Variants in CERK observed in about 807,000 individuals in gnomAD.
CERK encodes ceramide kinase.
Under a neutral mutation model 63.4 loss-of-function variants are expected in CERK, and 39 were observed. The ratio of observed to expected loss-of-function variants is 0.61; its 90% CI spans 0.48 to 0.80. CERK has a LOEUF of 0.80. CERK is among the 30% of genes least tolerant of loss of function. CERK has a pLI of 0.00. For synonymous variants in CERK, 302 were observed against 280.0 expected, an observed-to-expected ratio of 1.08 and a Z score of -0.78; for missense variants, 670 against 714.1, an observed-to-expected ratio of 0.94 and a Z score of 0.70.
At chr22:46,728,790 C>G (rs1651882677) in intron 1 of CERK, among the ~76,000 whole-genome samples, 1 of 152,226 alleles carries the variant, frequency 6.6e-6, no homozygotes, top group Non-Finnish European at 1.5e-5. Context: ...ATCTCCAGCT[C>G]TGGCCTCGGG....
chr22:46,715,854 C>A (rs2082863612), intron 3 of CERK, among the ~76,000 whole-genome samples: 1 of 152,110 alleles, frequency 6.6e-6, no homozygotes, highest in Admixed American at 6.6e-5. Context: ...ACAAAGATAT[C>A]TTCAATAGGA....
intron 5 of CERK, among the ~76,000 whole-genome samples, chr22:46,708,645 G>C (rs1459277430): frequency 6.6e-6 from 1 of 152,198 alleles, no homozygotes. Context: ...AGGACGGGTT[G>C]GTTTCAGGGT....
chr22:46,738,160 G>A lies in CERK; in HGVS notation c.-12C>T. ...CCCGTCGCCCCCATCTCCGCCGCCG[G>A]GCTCGTCCGCCAGGCTGGGGGCGCG... On this transcript the variant is annotated 5_prime_UTR_variant, in exon 1 of 13. Transcript: ENST00000216264. 8.5e-7 allele frequency: 1 copy of A among 1,170,412 alleles called. No individual in the cohort carries two copies. The allele number at this position is 1,170,412 out of a possible 1,614,324, so 72.5% of individuals were successfully genotyped here.
chr22:46,706,392 G>A (rs2082813210), intron 6 of CERK, among the ~76,000 whole-genome samples: 2 of 151,834 alleles, frequency 1.3e-5, no homozygotes, highest in South Asian at 4.2e-4. Flanking sequence ...AAATCCAGCA[G>A]AGGCTCCCCC....
intron 10 of CERK, 33 bp from the exon 11 acceptor site, chr22:46,691,810 T>C: frequency 2.5e-6 from 4 of 1,582,222 alleles, no homozygotes; most frequent in Non-Finnish European, 3.5e-6. Context: ...GATGTCACAG[T>C]TACAATGGCG....
At chr22:46,698,377 G>T (rs2082766721) in intron 8 of CERK, among the ~76,000 whole-genome samples, 3 of 152,228 alleles carry the variant, frequency 2.0e-5, no homozygotes, top group African/African-American at 4.8e-5. Context: ...CAAAAACCAG[G>T]CCCGGCATAG....
At chr22:46,726,160 C>A (rs549370179) in intron 1 of CERK, among the ~76,000 whole-genome samples, 2 of 152,242 alleles carry the variant, frequency 1.3e-5, no homozygotes, top group African/African-American at 2.4e-5. Context: ...GTCAAGGTGG[C>A]AGAACATGCC....
At chr22:46,723,356 C>T (rs1297963968) in intron 1 of CERK, among the ~76,000 whole-genome samples, 3 of 152,152 alleles carry the variant, frequency 2.0e-5, no homozygotes, top group African/African-American at 2.4e-5. Flanking sequence ...CAGTGGCTCA[C>T]GCCTGTAATC....
At chr22:46,724,633 C>T (rs1000244479) in intron 1 of CERK, among the ~76,000 whole-genome samples, 1 of 152,130 alleles carries the variant, frequency 6.6e-6, no homozygotes, top group African/African-American at 2.4e-5. Context: ...AGCGATGAAC[C>T]CCATAGGGGA....
At chr22:46,690,287 C>A in intron 11 of CERK, 87 bp from the exon 12 acceptor site, 1 of 1,003,748 alleles carries the variant, frequency 1.0e-6, no homozygotes, top group Non-Finnish European at 1.5e-6. Context: ...TGACAGCGAG[C>A]GCTGTCAGGC....
At chr22:46,701,490 A>G in intron 7 of CERK, 146 bp downstream of exon 7, 3 of 638,564 alleles carry the variant, frequency 4.7e-6, no homozygotes, top group Non-Finnish European at 7.9e-6. Flanking sequence ...ATCACAGCGC[A>G]GCGAGCAGAG....
Position 46,708,041 on chromosome 22 carries a change from G to A in CERK, c.570-53C>T, listed in dbSNP as rs560963554. On this transcript the variant is annotated intron_variant, in intron 5 of 12. Coordinates refer to ENST00000216264, the MANE Select transcript of CERK (RefSeq NM_022766.6). ...CTCCTGCAGGTGCGGCCCTCTGAGCGCAGCAGGCCTGAGGCTTCCAGCTTC... is the reference window on the plus strand; with the variant it reads ...CTCCTGCAGGTGCGGCCCTCTGAGCACAGCAGGCCTGAGGCTTCCAGCTTC... 5.2e-6 allele frequency: 8 copies of A among 1,536,774 alleles called. No homozygotes were observed. The East Asian group carries it at 9.1e-5, about 18-fold the overall frequency.
At chr22:46,733,993 G>A (rs989981180) in intron 1 of CERK, among the ~76,000 whole-genome samples, 1 of 151,764 alleles carries the variant, frequency 6.6e-6, no homozygotes, top group South Asian at 2.1e-4. Context: ...CCGAGACCTT[G>A]CCACTTCACT....
At chr22:46,712,072 G>T in intron 4 of CERK, 96 bp downstream of exon 4, 1 of 1,403,796 alleles carries the variant, frequency 7.1e-7, no homozygotes, top group Non-Finnish European at 9.9e-7. Context: ...GGGCAACAGA[G>T]TGAGACACCG....
intron 1 of CERK, among the ~76,000 whole-genome samples, chr22:46,737,353 C>T (rs983251845): frequency 2.0e-5 from 3 of 152,092 alleles, no homozygotes; most frequent in Non-Finnish European, 4.4e-5. Flanking sequence ...AACCCTCTGT[C>T]CTCCTGCAGG....
At chr22:46,723,200 GTTTACACACGTTCCT>G (rs898400816) in intron 1 of CERK, among the ~76,000 whole-genome samples, 1 of 152,224 alleles carries the variant, frequency 6.6e-6, no homozygotes, top group Non-Finnish European at 1.5e-5. Flanking sequence ...AGGGTCATTA[GTTTACACACGTTCCT>G]TTTACACACA....
chr22:46,715,311 A>T (rs1480314574), intron 3 of CERK, among the ~76,000 whole-genome samples: 1 of 152,200 alleles, frequency 6.6e-6, no homozygotes, highest in Non-Finnish European at 1.5e-5. Flanking sequence ...AACTGTTATT[A>T]TGCACAGCTG....
intron 6 of CERK, among the ~76,000 whole-genome samples, chr22:46,703,875 C>G (rs2082800241): frequency 6.6e-6 from 1 of 151,372 alleles, no homozygotes; most frequent in South Asian, 2.1e-4. Context: ...CACCCCCAGC[C>G]ACACTGGCTT....
rs1050957698 is a variant in CERK, at chr22:46,686,508, C to A, written c.*626G>T. 6.5e-6 allele frequency: 1 copy of A among 153,100 alleles called. No homozygotes were observed. Among genetic ancestry groups the A allele is most frequent in the Non-Finnish European group, 1.5e-5 (1 of 68,636 alleles). The allele number at this position is 153,100 out of a possible 1,614,324, so 9.5% of individuals were successfully genotyped here. A position where few individuals can be genotyped will look rare whatever the true frequency, so the allele number is the denominator to read the frequency against. On this transcript the variant is annotated 3_prime_UTR_variant, in exon 13 of 13. Transcript: ENST00000216264. ...AGCCGGATTGTCGTAGCCTCGCCGC[C>A]GTGATGAGGCAGGTGTGGAGGCCCC...
Sources: gnomAD v4.1 joint callset for allele counts (sites outside exome capture counted in the v4.1 genomes callset) on GRCh38, gnomAD v4.1.1 for gene constraint, MANE v1.5 for transcripts, NCBI Gene and HGNC (gene_info 2026-07-23, HGNC 2026-07-21) for gene names.